The following IGF2R variants were observed in gnomAD, a reference collection of about 807,000 sequenced individuals.
IGF2R encodes cation-independent mannose-6-phosphate receptor.
IGF2R carries 91 observed loss-of-function variants against 270.6 expected under a neutral mutation model. The observed-to-expected ratio is 0.34, with a 90% CI of 0.28 to 0.40. The LOEUF (loss-of-function observed/expected upper bound fraction) is 0.40. IGF2R is among the 10% of genes least tolerant of loss of function. IGF2R has a pLI of 1.00. For missense variants in IGF2R, 2,805 were observed against 3,188.3 expected, an observed-to-expected ratio of 0.88 and a Z score of 2.90; for synonymous variants, 1,316 against 1,258.9, an observed-to-expected ratio of 1.05 and a Z score of -0.96.
chr6:160,010,070 T>C (rs1310250528), intron 3 of IGF2R, among the ~76,000 whole-genome samples: 2 of 152,254 alleles, frequency 1.3e-5, no homozygotes, highest in African/African-American at 4.8e-5. Context: ...CTTCAGCTAA[T>C]TTCCTTTATG....
chr6:160,098,633 A>T (rs1283097700), intron 45 of IGF2R, among the ~76,000 whole-genome samples: 1 of 152,210 alleles, frequency 6.6e-6, no homozygotes, highest in East Asian at 1.9e-4. Context: ...AGCCTGGGCA[A>T]CATGGTGAAA....
chr6:160,070,654 T>C (rs1442094637), intron 31 of IGF2R, among the ~76,000 whole-genome samples: 2 of 152,220 alleles, frequency 1.3e-5, no homozygotes, highest in Admixed American at 6.5e-5. Context: ...GTCGACTGCA[T>C]ACAGGTTTTT....
chr6:160,068,549 A>G (rs1778643538), intron 30 of IGF2R, among the ~76,000 whole-genome samples, 164 bp downstream of exon 30: 1 of 150,120 alleles, frequency 6.7e-6, no homozygotes, highest in Non-Finnish European at 1.5e-5. Context: ...CTGTGAGTGT[A>G]TCACAGGCCA....
intron 45 of IGF2R, among the ~76,000 whole-genome samples, chr6:160,098,616 C>G (rs1467611308): frequency 6.6e-6 from 1 of 152,042 alleles, no homozygotes; most frequent in African/African-American, 2.4e-5. Flanking sequence ...GTCAGGAGTT[C>G]TAGACCAGCC....
intron 1 of IGF2R, among the ~76,000 whole-genome samples, chr6:159,974,983 A>G (rs1310765390): frequency 6.6e-6 from 1 of 152,232 alleles, no homozygotes; most frequent in Non-Finnish European, 1.5e-5. Flanking sequence ...ACAGTCATCA[A>G]CACAGAAGAC....
In IGF2R at chr6:160,045,815, C is replaced by G. The variant is rs1372630066; in HGVS notation, c.1836C>G (p.His612Gln). ...EGGCFYEFEWHTAAACVLSKT... is the reference protein window; with the variant it reads ...EGGCFYEFEWQTAAACVLSKT... ...GTTGCTTTTATGAGTTTGAGTGGCACACAGCTGCGGCCTGTGTGCTGTCTA... is the reference window on the plus strand; with the variant it reads ...GTTGCTTTTATGAGTTTGAGTGGCAGACAGCTGCGGCCTGTGTGCTGTCTA... Residue 612 changes from histidine to glutamine, a missense_variant, in exon 14 of 48, where the codon CAC (histidine) becomes CAG (glutamine). His to Gln is a conservative substitution (Grantham distance 24). Transcript: ENST00000356956. The G allele has an allele frequency of 6.2e-7, 1 of 1,613,350 alleles. No homozygotes were observed. Among genetic ancestry groups the G allele is most frequent in the African/African-American group, 1.3e-5 (1 of 74,920 alleles).
In IGF2R at chr6:159,991,337, C is replaced by T; in HGVS notation, c.289+14C>T. On this transcript the variant is annotated intron_variant, in intron 2 of 47. Transcript: ENST00000356956. ...ATCATTCAGTGGGTAAGTAGAACTA[C>T]CTGAAATTACTGGATTGGCAATATG... is the stretch of plus-strand genomic sequence containing the variant. 1.9e-6 allele frequency: 3 copies of T among 1,603,880 alleles called. No individual in the cohort carries two copies. Among genetic ancestry groups the T allele is most frequent in the Non-Finnish European group, 2.6e-6 (3 of 1,174,572 alleles).
intron 10 of IGF2R, among the ~76,000 whole-genome samples, chr6:160,039,812 C>CATGGG (rs914207916): frequency 1.4e-4 from 21 of 152,102 alleles, no homozygotes; most frequent in Non-Finnish European, 2.2e-4. Context: ...TCTCAGCGTC[C>CATGGG]ATGGGATGGG....
At chr6:160,077,025 T>A (rs1466910243) in intron 36 of IGF2R, among the ~76,000 whole-genome samples, 1 of 152,166 alleles carries the variant, frequency 6.6e-6, no homozygotes, top group Non-Finnish European at 1.5e-5. Flanking sequence ...ATGGGTGTGC[T>A]GACAGTGACA....
chr6:160,082,275 T>C (rs1485528388), intron 39 of IGF2R, among the ~76,000 whole-genome samples: 2 of 152,208 alleles, frequency 1.3e-5, no homozygotes, highest in African/African-American at 4.8e-5. Flanking sequence ...CACACTCCTG[T>C]TTTCAAGTAC....
At chr6:160,036,772 A>C (rs1179764008) in intron 10 of IGF2R, among the ~76,000 whole-genome samples, 1 of 149,448 alleles carries the variant, frequency 6.7e-6, no homozygotes, top group African/African-American at 2.5e-5. Context: ...AGAAAAATAG[A>C]AAAAAAAAAG....
intron 2 of IGF2R, chr6:160,005,385 C>T (rs999337144): frequency 6.6e-6 from 1 of 152,242 alleles, no homozygotes; most frequent in Non-Finnish European, 1.5e-5. Flanking sequence ...CCCTGCCTGG[C>T]CCTTGTCTGG....
At chr6:160,065,149 C>T (rs971553895) in intron 29 of IGF2R, among the ~76,000 whole-genome samples, 11 of 152,176 alleles carry the variant, frequency 7.2e-5, no homozygotes, top group Admixed American at 7.2e-4. Context: ...GGCACTCTTG[C>T]GTGATCCACA....
intron 44 of IGF2R, 159 bp from the exon 45 acceptor site, chr6:160,096,280 G>A: frequency 1.6e-6 from 1 of 612,846 alleles, no homozygotes; most frequent in East Asian, 2.7e-5. Context: ...GCATCGAGTG[G>A]CCTCGTAAGC....
At position 160,047,812 on chromosome 6, in the gene IGF2R, C is replaced by A. The variant is rs1778102447; in HGVS notation, c.2250C>A (p.Tyr750Ter). 1 of 1,613,252 alleles carries A rather than the reference C, an allele frequency of 6.2e-7. No individual in the cohort carries two copies. The highest frequency in any genetic ancestry group is 8.5e-7 in the Non-Finnish European group (1 of 1,179,258). The change falls in exon 17 of 48, where the codon TAC becomes TAA. Residue 750 changes from tyrosine to a stop codon, truncating the protein, a stop_gained. Coordinates refer to ENST00000356956, the MANE Select transcript of IGF2R (RefSeq NM_000876.4). LOFTEE classifies it high-confidence loss of function. ...ATTAGGAAGAGGATAACTCCACCTA[C>A]AACTTCCGGTGGTACACCAGCTATG... The part of the protein sequence containing the change: ...PEYQEEDNST[Y>*]NFRWYTSYAC...
At chr6:159,973,578 A>G (rs996240274) in intron 1 of IGF2R, among the ~76,000 whole-genome samples, 10 of 152,188 alleles carry the variant, frequency 6.6e-5, no homozygotes, top group African/African-American at 1.9e-4. Context: ...AACAGTGCTT[A>G]TATGCCTAAT....
chr6:160,102,654 C>G lies in IGF2R; in HGVS notation c.6978C>G (p.Leu2326=). Residue 2326 remains leucine (L), a synonymous_variant, in exon 46 of 48, where the codon CTC becomes CTG. Transcript: ENST00000356956. The surrounding 1 kb of genome is among the most constrained non-coding windows in gnomAD (Gnocchi z 4.5). ...ALTCCLLALL[L]YKKERRETVI... ...CCTGCTGCCTGCTGGCCCTGTTGCT[C>G]TACAAGAAGGAGAGGAGGTAAGCGG... 6.2e-7 allele frequency: 1 copy of G among 1,607,706 alleles called. No homozygotes were observed. The highest frequency in any genetic ancestry group is 8.5e-7 in the Non-Finnish European group (1 of 1,176,506).
chr6:160,088,426 A>G (rs981534862), intron 42 of IGF2R, among the ~76,000 whole-genome samples: 10 of 152,206 alleles, frequency 6.6e-5, no homozygotes, highest in African/African-American at 2.4e-4. Flanking sequence ...CTACCTTTGA[A>G]TGTCATAGTA....
At chr6:160,065,019 G>T in intron 29 of IGF2R, 118 bp downstream of exon 29, 1 of 689,320 alleles carries the variant, frequency 1.5e-6, no homozygotes, top group East Asian at 2.7e-5. Flanking sequence ...CCTAGGACTC[G>T]GTTTGCTCAT....
Sources: allele counts gnomAD v4.1 joint callset (sites outside exome capture counted in the v4.1 genomes callset), GRCh38; gene constraint gnomAD v4.1.1; non-coding constraint Gnocchi (gnomAD v3.1); transcripts MANE v1.5; gene names NCBI Gene and HGNC (gene_info 2026-07-23, HGNC 2026-07-21).